DCLK2: variants seen among roughly 807,000 people sequenced by gnomAD.
DCLK2 encodes doublecortin like kinase 2.
DCLK2 carries 31 observed loss-of-function variants against 78.4 expected under a neutral mutation model. The observed-to-expected ratio is 0.40, with a 90% CI of 0.30 to 0.53. The LOEUF (loss-of-function observed/expected upper bound fraction) is 0.53, where lower values mean the gene tolerates loss of function less well. Among genes scored for constraint, DCLK2 ranks in the 20% least tolerant of loss-of-function variants. The pLI is 0.61. For missense variants in DCLK2, 872 were observed against 973.7 expected, an observed-to-expected ratio of 0.90 and a Z score of 1.39; for synonymous variants, 407 against 374.9, an observed-to-expected ratio of 1.09 and a Z score of -0.99.
At chr4:150,165,619 T>C (rs1736005063) in intron 2 of DCLK2, among the ~76,000 whole-genome samples, 1 of 152,216 alleles carries the variant, frequency 6.6e-6, no homozygotes, top group Non-Finnish European at 1.5e-5. Flanking sequence ...AATTGGCCTA[T>C]AAAAAAGTAA....
At chr4:150,121,526 C>T (rs1732539196) in intron 2 of DCLK2, among the ~76,000 whole-genome samples, 1 of 152,226 alleles carries the variant, frequency 6.6e-6, no homozygotes, top group African/African-American at 2.4e-5. Context: ...ATTTCCTCCA[C>T]ATCTGCAATG....
At chr4:150,115,534 G>T (rs528210721) in intron 2 of DCLK2, among the ~76,000 whole-genome samples, 49 of 150,642 alleles carry the variant, frequency 3.3e-4, no homozygotes, top group Middle Eastern at 3.4e-3. Flanking sequence ...TTTTTGTGGG[G>T]TTTTTTTTTC....
intron 10 of DCLK2, among the ~76,000 whole-genome samples, chr4:150,236,194 TGTG>T (rs546350361): frequency 1.2e-3 from 185 of 152,342 alleles, no homozygotes; most frequent in African/African-American, 4.3e-3. Context: ...TCTCACAGCT[TGTG>T]GTGGGGCGTT....
At chr4:150,112,008 A>G (rs958079374) in intron 2 of DCLK2, among the ~76,000 whole-genome samples, 1 of 152,068 alleles carries the variant, frequency 6.6e-6, no homozygotes, top group Admixed American at 6.6e-5. Flanking sequence ...TGAAAAAATG[A>G]TATTGGTATT....
chr4:150,116,619 C>T (rs932368163), intron 2 of DCLK2, among the ~76,000 whole-genome samples: 18 of 152,282 alleles, frequency 1.2e-4, no homozygotes, highest in South Asian at 1.0e-3. Flanking sequence ...TCAAGTGTCG[C>T]AGCAGCAGGT....
At chr4:150,153,502 T>C (rs1437768268) in intron 2 of DCLK2, among the ~76,000 whole-genome samples, 4 of 151,874 alleles carry the variant, frequency 2.6e-5, no homozygotes, top group African/African-American at 4.8e-5. Context: ...AACCTTGACC[T>C]CCTGGGCCCA....
intron 1 of DCLK2, among the ~76,000 whole-genome samples, chr4:150,089,416 A>G (rs988388807): frequency 4.6e-5 from 7 of 152,240 alleles, no homozygotes; most frequent in Non-Finnish European, 1.0e-4. Context: ...CTCTATTTAA[A>G]TGCACCAGTT....
At chr4:150,236,297 G>T (rs1038344232) in intron 10 of DCLK2, among the ~76,000 whole-genome samples, 2 of 152,166 alleles carry the variant, frequency 1.3e-5, no homozygotes, top group African/African-American at 4.8e-5. Context: ...TCAGGGTTCT[G>T]GCAGGCCTTT....
In DCLK2 at chr4:150,192,478, C is replaced by CA. The variant is rs56235708; in HGVS notation, c.757-643dup. Among the ~76,000 whole-genome samples, 173 of 112,500 alleles carry CA rather than the reference C, an allele frequency of 1.5e-3. 11 individuals are homozygous for CA. Among genetic ancestry groups the CA allele is most frequent in the East Asian group, 5.3e-3 (20 of 3,762 alleles). The allele number at this position is 112,500 out of a possible 152,430, so 73.8% of individuals were successfully genotyped here. A position where few individuals can be genotyped will look rare whatever the true frequency, so the allele number is the denominator to read the frequency against. ...CTGGTGACAGAGCAAGATTGCGTCT[C>CA]AAAAAAAAAAAAAAAAACAAGTGAA... On this transcript the variant is annotated intron_variant, in intron 2 of 15. Coordinates refer to ENST00000296550, the MANE Select transcript of DCLK2 (RefSeq NM_001040260.4).
chr4:150,104,415 A>G (rs1731101413), intron 2 of DCLK2, among the ~76,000 whole-genome samples: 1 of 149,990 alleles, frequency 6.7e-6, no homozygotes, highest in Non-Finnish European at 1.5e-5. Context: ...AAAAAAAAAA[A>G]AAAAAAAATC....
intron 2 of DCLK2, among the ~76,000 whole-genome samples, chr4:150,144,492 A>G (rs569264585): frequency 8.5e-5 from 13 of 152,254 alleles, no homozygotes; most frequent in African/African-American, 2.6e-4. Context: ...GTCTTGTGGT[A>G]TCATTTGAAG....
Position 150,223,006 on chromosome 4 carries a change from A to T in DCLK2, c.1241+1221A>T, listed in dbSNP as rs117619204. 2.0e-5 allele frequency among the ~76,000 whole-genome samples: 3 copies of T among 152,298 alleles called. No individual in the cohort carries two copies. In the East Asian group the frequency reaches 5.8e-4, roughly 29 times the overall value. On this transcript the variant is annotated intron_variant, in intron 7 of 15. Coordinates refer to ENST00000296550, the MANE Select transcript of DCLK2 (RefSeq NM_001040260.4). ...ATAGGCTGCTATCCTTCCCATTCTA[A>T]GTGATAATTTTTATCATTTCTGGAG...
At chr4:150,095,899 G>A (rs942960544) in intron 1 of DCLK2, among the ~76,000 whole-genome samples, 2 of 152,202 alleles carry the variant, frequency 1.3e-5, no homozygotes, top group Non-Finnish European at 2.9e-5. Flanking sequence ...TGAGAAGTTT[G>A]AAAGGAAATT....
chr4:150,255,959 T>C, intron 15 of DCLK2, 61 bp from the exon 16 acceptor site: 1 of 1,581,588 alleles, frequency 6.3e-7, no homozygotes, highest in South Asian at 1.2e-5. Context: ...TCTCTGCTCG[T>C]GGCAGCTGGG....
At chr4:150,108,510 C>A (rs925748101) in intron 2 of DCLK2, among the ~76,000 whole-genome samples, 1 of 151,762 alleles carries the variant, frequency 6.6e-6, no homozygotes, top group African/African-American at 2.4e-5. Flanking sequence ...CGCCACTGCA[C>A]TTCAGCCTGG....
Position 150,256,310 on chromosome 4 carries a change from C to T in DCLK2, c.*63C>T, listed in dbSNP as rs1052331809. The T allele has an allele frequency of 4.8e-6, 7 of 1,444,190 alleles. No homozygotes were observed. The highest frequency in any genetic ancestry group is 5.0e-5 in the East Asian group (2 of 39,956). The allele number at this position is 1,444,190 out of a possible 1,614,324, so 89.5% of individuals were successfully genotyped here. ...AGGAAGCCAGCCCTCTGCTCGGCCTCGCCGGCCTCCCTGCTGCAGGCCTCC... is the reference window on the plus strand; with the variant it reads ...AGGAAGCCAGCCCTCTGCTCGGCCTTGCCGGCCTCCCTGCTGCAGGCCTCC... On this transcript the variant is annotated 3_prime_UTR_variant, in exon 16 of 16. Transcript: ENST00000296550.
chr4:150,249,591 C>T lies in DCLK2; in HGVS notation c.1980C>T (p.Asn660=). 1 of 1,613,656 alleles carries T rather than the reference C, an allele frequency of 6.2e-7. No individual in the cohort carries two copies. The highest frequency in any genetic ancestry group is 8.5e-7 in the Non-Finnish European group (1 of 1,179,934). The stretch of plus-strand genomic sequence containing the variant: ...AGGATGATGCCTCCCAGGAGAATAA[C>T]ATGCAAGCTGAGGTGACAGGTAAAC... ...WVSDDASQEN[N]MQAEVTGKLK... The change falls in exon 15 of 16, where the codon AAC becomes AAT. Residue 660 remains asparagine, a synonymous_variant. Coordinates refer to ENST00000296550, the MANE Select transcript of DCLK2 (RefSeq NM_001040260.4).
At chr4:150,204,522 TGTA>T (rs1739701107) in intron 5 of DCLK2, among the ~76,000 whole-genome samples, 1 of 152,206 alleles carries the variant, frequency 6.6e-6, no homozygotes, top group African/African-American at 2.4e-5. Flanking sequence ...TTTTATTTGA[TGTA>T]GTAGTTCCTA....
At chr4:150,158,533 G>C (rs1735480663) in intron 2 of DCLK2, among the ~76,000 whole-genome samples, 2 of 152,100 alleles carry the variant, frequency 1.3e-5, no homozygotes, top group African/African-American at 4.8e-5. Context: ...AGAGTACTGG[G>C]GATGTAAAGT....
Sources: gnomAD v4.1 joint callset for allele counts (sites outside exome capture counted in the v4.1 genomes callset) on GRCh38, gnomAD v4.1.1 for gene constraint, MANE v1.5 for transcripts, NCBI Gene and HGNC (gene_info 2026-07-23, HGNC 2026-07-21) for gene names.